The following CDH4 variants were observed in gnomAD, a reference collection of about 807,000 sequenced individuals.
The protein encoded by CDH4 is cadherin-4.
A neutral mutation model predicts 86.0 loss-of-function variants in CDH4; 33 were observed. That is an observed-to-expected ratio of 0.38 (90% CI 0.29 to 0.51). CDH4 has a LOEUF of 0.51. Ranked by LOEUF, CDH4 falls within the 20% of genes least tolerant of loss-of-function variation. The probability of loss-of-function intolerance (pLI) is 0.86; values close to 1 mark genes in which losing one functional copy is unlikely to be tolerated. For missense variants in CDH4, 1,114 were observed against 1,307.4 expected (o/e 0.85, Z 2.28); for synonymous variants, 555 against 549.4 (o/e 1.01, Z -0.14).
At chr20:61,873,376 G>A (rs914828912) in intron 6 of CDH4, among the ~76,000 whole-genome samples, 2 of 152,168 alleles carry the variant, frequency 1.3e-5, no homozygotes, top group African/African-American at 2.4e-5. Context: ...ACGCACTGTC[G>A]GGGCCTCAGG....
rs534471139 is a variant in CDH4, at chr20:61,616,825, G to A, written c.170-126738G>A. Among the ~76,000 whole-genome samples the A allele has an allele frequency of 2.4e-3, 370 of 152,296 alleles. 1 individual carries two copies. Among genetic ancestry groups the A allele is most frequent in the Middle Eastern group, 6.8e-3 (2 of 294 alleles). On this transcript the variant is annotated intron_variant, in intron 2 of 15. Transcript: ENST00000614565. ...TCTGCAGGGACGCAGGCCAGAAAAC[G>A]CACCACTGCCCTGGCCTTGGCCCAG...
At chr20:61,388,701 G>A (rs996598332) in intron 2 of CDH4, among the ~76,000 whole-genome samples, 2 of 152,206 alleles carry the variant, frequency 1.3e-5, no homozygotes, top group Non-Finnish European at 2.9e-5. Flanking sequence ...AGACAGCAGG[G>A]GGATGCTGGC....
rs181880223 is a variant in CDH4 at position 61,925,468 on chromosome 20, C to T, written c.1771+992C>T. ...TGAGAATCAAACGAGTCGGAGTCAC[C>T]GGAACACTGAGGAAGGGCCTGGCTC... is the stretch of plus-strand genomic sequence containing the variant. On this transcript the variant is annotated intron_variant, in intron 11 of 15. Coordinates refer to ENST00000614565, the MANE Select transcript of CDH4 (RefSeq NM_001794.5). 3.1e-3 allele frequency among the ~76,000 whole-genome samples: 468 copies of T among 152,274 alleles called. 6 individuals are homozygous for T. Among genetic ancestry groups the T allele is most frequent in the African/African-American group, 0.01 (435 of 41,548 alleles).
chr20:61,537,594 C>G (rs1176621120), intron 2 of CDH4, among the ~76,000 whole-genome samples: 4 of 152,202 alleles, frequency 2.6e-5, no homozygotes, highest in African/African-American at 4.8e-5. Context: ...GTCTAGAACT[C>G]AAGGAGCCAG....
intron 4 of CDH4, among the ~76,000 whole-genome samples, chr20:61,803,372 C>G (rs1979940506): frequency 6.6e-6 from 1 of 152,226 alleles, no homozygotes. Flanking sequence ...CTCCCTAATA[C>G]CAAGAGACGG....
intron 2 of CDH4, among the ~76,000 whole-genome samples, chr20:61,578,608 C>T (rs537304848): frequency 1.5e-4 from 23 of 152,262 alleles, no homozygotes; most frequent in Admixed American, 4.6e-4. Context: ...CTCACAGAGC[C>T]GACTCAAGGG....
At chr20:61,435,418 A>AG (rs369146293) in intron 2 of CDH4, among the ~76,000 whole-genome samples, 2 of 152,222 alleles carry the variant, frequency 1.3e-5, no homozygotes, top group East Asian at 3.9e-4. Context: ...GAAGATCCCT[A>AG]GGGGGGCTCT....
At chr20:61,756,708 C>T (rs921232412) in intron 3 of CDH4, among the ~76,000 whole-genome samples, 5 of 152,056 alleles carry the variant, frequency 3.3e-5, no homozygotes, top group Non-Finnish European at 5.9e-5. Context: ...TGCATTCCTC[C>T]GTGAGTTCCC....
At chr20:61,936,668 TCC>T in intron 15 of CDH4, 67 bp from the exon 16 acceptor site, 1 of 1,333,024 alleles carries the variant, frequency 7.5e-7, no homozygotes, top group Non-Finnish European at 1.0e-6. Context: ...GGCCTCGCTT[TCC>T]GTTCCATCTG....
chr20:61,904,216 G>C (rs58986791), intron 8 of CDH4, among the ~76,000 whole-genome samples: 4,720 of 152,264 alleles, frequency 0.031, 243 homozygotes, highest in African/African-American at 0.11. Context: ...GGATCAGCAC[G>C]GCAGCAACTC....
intron 3 of CDH4, among the ~76,000 whole-genome samples, chr20:61,760,266 G>A (rs538756087): frequency 3.3e-5 from 5 of 152,326 alleles, no homozygotes; most frequent in South Asian, 4.1e-4. Flanking sequence ...ACCCCTCCAC[G>A]GGGTGATGGT....
At chr20:61,527,802 G>A (rs1398518723) in intron 2 of CDH4, among the ~76,000 whole-genome samples, 1 of 152,134 alleles carries the variant, frequency 6.6e-6, no homozygotes, top group Admixed American at 6.5e-5. Flanking sequence ...CTCGGGTGGT[G>A]TCCTACTGCA....
At chr20:61,793,498 C>T (rs1281785217) in intron 4 of CDH4, among the ~76,000 whole-genome samples, 1 of 152,120 alleles carries the variant, frequency 6.6e-6, no homozygotes, top group African/African-American at 2.4e-5. Flanking sequence ...CATAAAGCGG[C>T]CCCCGAGGTC....
chr20:61,612,087 A>G (rs2086689780), intron 2 of CDH4, among the ~76,000 whole-genome samples: 1 of 152,098 alleles, frequency 6.6e-6, no homozygotes, highest in Non-Finnish European at 1.5e-5. Flanking sequence ...TATGGAATTT[A>G]AAAATTTTTT....
intron 2 of CDH4, among the ~76,000 whole-genome samples, chr20:61,307,258 G>C (rs1489150584): frequency 6.6e-6 from 1 of 152,112 alleles, no homozygotes; most frequent in African/African-American, 2.4e-5. Context: ...TGTATCATTA[G>C]GCACTCAGCA....
rs1568838401 is a variant in CDH4 at position 61,422,453 on chromosome 20, AAAAAAAAAAAAAAACC to A, written c.169+167520_169+167535del. ...AAAAAAAAAAAAAAAAAAAAAAAAA[AAAAAAAAAAAAAAACC>A]AAATCTCCCCAAGTGTCTTCTTTAA... On this transcript the variant is annotated intron_variant, in intron 2 of 15. Transcript: ENST00000614565. Among the ~76,000 whole-genome samples, 78 of 85,144 alleles carry A rather than the reference AAAAAAAAAAAAAAACC, an allele frequency of 9.2e-4. 1 individual carries two copies. Among genetic ancestry groups the A allele is most frequent in the African/African-American group, 3.6e-3 (70 of 19,710 alleles). 55.9% of individuals were successfully genotyped at this position (85,144 alleles called of 152,430 possible).
chr20:61,630,694 G>C (rs1420355932), intron 2 of CDH4, among the ~76,000 whole-genome samples: 1 of 152,222 alleles, frequency 6.6e-6, no homozygotes, highest in Non-Finnish European at 1.5e-5. Context: ...CCCAAAGTTA[G>C]TGTTGGCAAG....
chr20:61,831,662 C>A (rs774282834), intron 4 of CDH4, among the ~76,000 whole-genome samples: 1 of 152,258 alleles, frequency 6.6e-6, no homozygotes, highest in Admixed American at 6.5e-5. Context: ...GCCTCCTCCC[C>A]CTCAGGACCC....
At chr20:61,661,470 C>CTTTTT (rs11472090) in intron 2 of CDH4, among the ~76,000 whole-genome samples, 6 of 115,080 alleles carry the variant, frequency 5.2e-5, no homozygotes, top group South Asian at 6.0e-4. Flanking sequence ...TGCTTTCTGA[C>CTTTTT]TTTTTTTTTT....
Sources: allele counts gnomAD v4.1 joint callset (sites outside exome capture counted in the v4.1 genomes callset), GRCh38; gene constraint gnomAD v4.1.1; transcripts MANE v1.5; gene names NCBI Gene and HGNC (gene_info 2026-07-23, HGNC 2026-07-21).